ADAMTS9: variants seen among roughly 807,000 people sequenced by gnomAD.
The protein encoded by ADAMTS9 is A disintegrin and metalloproteinase with thrombospondin motifs 9.
A neutral mutation model predicts 257.1 loss-of-function variants in ADAMTS9; 107 were observed. The observed-to-expected ratio is 0.42, with a 90% confidence interval of 0.36 to 0.49. The LOEUF is 0.49. ADAMTS9 is among the 20% of genes least tolerant of loss of function. The pLI, the probability that ADAMTS9 is intolerant of heterozygous loss-of-function variation, is 0.03. For missense variants in ADAMTS9, 2,353 were observed against 2,469.1 expected (o/e 0.95, Z 1.00); for synonymous variants, 982 against 880.9 (o/e 1.11, Z -2.03).
chr3:64,662,991 C>T (rs1458849159), intron 3 of ADAMTS9, among the ~76,000 whole-genome samples: 4 of 152,078 alleles, frequency 2.6e-5, no homozygotes, highest in African/African-American at 9.7e-5. Context: ...TATGTTTAGA[C>T]TTGGGTTCTA....
At chr3:64,634,198 A>C (rs1230023130) in intron 12 of ADAMTS9, among the ~76,000 whole-genome samples, 1 of 152,156 alleles carries the variant, frequency 6.6e-6, no homozygotes, top group Non-Finnish European at 1.5e-5. Context: ...CCTGAATCTG[A>C]ATCTATTAGG....
At chr3:64,638,608 A>T (rs1459392218) in intron 12 of ADAMTS9, among the ~76,000 whole-genome samples, 1 of 152,180 alleles carries the variant, frequency 6.6e-6, no homozygotes, top group Non-Finnish European at 1.5e-5. Flanking sequence ...GATTAAAAAA[A>T]TAAAGCACTT....
chr3:64,646,386 G>A (rs1700788730), intron 11 of ADAMTS9, among the ~76,000 whole-genome samples: 1 of 152,100 alleles, frequency 6.6e-6, no homozygotes, highest in African/African-American at 2.4e-5. Context: ...TGGATTCTTT[G>A]ACCAAAATAT....
intron 28 of ADAMTS9, among the ~76,000 whole-genome samples, chr3:64,574,249 T>C (rs2083771994): frequency 6.6e-6 from 1 of 152,172 alleles, no homozygotes. Context: ...TTTCATTGTG[T>C]TCTTATTATG....
chr3:64,517,227 T>C (rs1055105653), intron 39 of ADAMTS9, 106 bp from the exon 40 acceptor site: 6 of 152,424 alleles, frequency 3.9e-5, no homozygotes, highest in African/African-American at 1.2e-4. Flanking sequence ...TTAACACTTA[T>C]TATTTTCTCT....
intron 25 of ADAMTS9, 73 bp downstream of exon 25, chr3:64,603,849 C>G: frequency 6.6e-7 from 1 of 1,510,398 alleles, no homozygotes; most frequent in Non-Finnish European, 9.0e-7. Flanking sequence ...AAGTGGCGCC[C>G]CCCTCCGCTG....
chr3:64,655,713 GGTTAA>G, intron 5 of ADAMTS9, 22 bp from the exon 6 acceptor site: 1 of 1,603,124 alleles, frequency 6.2e-7, no homozygotes, highest in Non-Finnish European at 8.5e-7. Context: ...GAAGAATTAT[GGTTAA>G]TCTGTTGTAC....
At chr3:64,606,046 G>C (rs935673689) in intron 23 of ADAMTS9, among the ~76,000 whole-genome samples, 8 of 152,150 alleles carry the variant, frequency 5.3e-5, no homozygotes, top group African/African-American at 1.9e-4. Flanking sequence ...TTTTCTTTAT[G>C]TTTAAGGGTA....
At chr3:64,520,104 T>C (rs2082830636) in intron 39 of ADAMTS9, among the ~76,000 whole-genome samples, 1 of 151,966 alleles carries the variant, frequency 6.6e-6, no homozygotes, top group Non-Finnish European at 1.5e-5. Context: ...ATTTTCAGGG[T>C]GCAAAATAAA....
chr3:64,646,346 A>T (rs1471989102), intron 11 of ADAMTS9, among the ~76,000 whole-genome samples: 1 of 152,180 alleles, frequency 6.6e-6, no homozygotes, highest in Non-Finnish European at 1.5e-5. Context: ...TGTAAGAATG[A>T]GTGTCATATT....
At chr3:64,604,434 G>A in intron 23 of ADAMTS9, 103 bp from the exon 24 acceptor site, 1 of 821,074 alleles carries the variant, frequency 1.2e-6, no homozygotes, top group Non-Finnish European at 1.9e-6. Flanking sequence ...GAATTCTAAG[G>A]CTTCAGATTT....
rs1334532322 is a variant in ADAMTS9 at position 64,615,383 on chromosome 3, C to A, written c.3127G>T (p.Val1043Phe). Residue 1043 changes from valine (V) to phenylalanine (F), a missense_variant, in exon 21 of 40, where the codon GTT (valine) becomes TTT (phenylalanine). Around this residue, in one of 3 missense-constraint regions of ADAMTS9, gnomAD observed 1,402 missense variants for 1,441.4 expected, o/e 0.97. Coordinates refer to ENST00000498707, the MANE Select transcript of ADAMTS9 (RefSeq NM_182920.2). The stretch of plus-strand genomic sequence containing the variant: ...AACTCACTGCACCTCTGAATGGTAA[C>A]TTTCTCTTGATGTGTGCATTTGCTG... ...DDSKCTHQEK[V>F]TIQRCSEFPC... 7 of 1,613,962 alleles carry A rather than the reference C, an allele frequency of 4.3e-6. No individual in the cohort carries two copies. The South Asian group carries it at 6.6e-5, about 15-fold the overall frequency.
rs577227469 is a variant in ADAMTS9, at chr3:64,548,014, G to A, written c.4870-1062C>T. 1.7e-4 allele frequency among the ~76,000 whole-genome samples: 26 copies of A among 152,152 alleles called. No individual in the cohort carries two copies. In the East Asian group the frequency reaches 4.6e-3, roughly 27 times the overall value. On this transcript the variant is annotated intron_variant, in intron 31 of 39. Transcript: ENST00000498707. The stretch of plus-strand genomic sequence containing the variant: ...GAGTGCCGGTATTCTCTAGACTTAC[G>A]GTTCTTGGGTGAGGGTGGGATAAAT...
intron 30 of ADAMTS9, among the ~76,000 whole-genome samples, chr3:64,556,714 T>TTTACTTCC (rs1553702812): frequency 7.2e-6 from 1 of 138,106 alleles, no homozygotes; most frequent in East Asian, 2.1e-4. Flanking sequence ...TCTATGTTTT[T>TTTACTTCC]TTCCTTCCTT....
chr3:64,612,415 A>C (rs2084682205), intron 22 of ADAMTS9, among the ~76,000 whole-genome samples: 1 of 152,224 alleles, frequency 6.6e-6, no homozygotes, highest in Non-Finnish European at 1.5e-5. Flanking sequence ...TCTCCCTATT[A>C]ATTCAGACAT....
chr3:64,614,991 AT>A, intron 21 of ADAMTS9: 1 of 213,012 alleles, frequency 4.7e-6, no homozygotes. Flanking sequence ...TAGCTTTATG[AT>A]TAATAAATCC....
At chr3:64,610,078 T>C (rs2084637074) in intron 22 of ADAMTS9, among the ~76,000 whole-genome samples, 1 of 152,218 alleles carries the variant, frequency 6.6e-6, no homozygotes, top group South Asian at 2.1e-4. Flanking sequence ...AAAACCATGA[T>C]GTTGGAATCC....
intron 28 of ADAMTS9, chr3:64,583,870 A>G (rs920050170): frequency 6.6e-6 from 1 of 152,298 alleles, no homozygotes; most frequent in Non-Finnish European, 1.5e-5. Flanking sequence ...GGAAGCCCCC[A>G]TCTATAGAAA....
chr3:64,557,278 C>T (rs2083351478), intron 30 of ADAMTS9, among the ~76,000 whole-genome samples: 1 of 152,114 alleles, frequency 6.6e-6, no homozygotes, highest in Non-Finnish European at 1.5e-5. Flanking sequence ...AGATCTATTC[C>T]TCAATGCTGC....
Sources: allele counts gnomAD v4.1 joint callset (sites outside exome capture counted in the v4.1 genomes callset), GRCh38; gene constraint gnomAD v4.1.1; regional missense constraint gnomAD v4.1.1; transcripts MANE v1.5; gene names NCBI Gene and HGNC (gene_info 2026-07-23, HGNC 2026-07-21).